Variants in CFTR observed in about 807,000 individuals in gnomAD.
CFTR encodes CF transmembrane conductance regulator, also known as cystic fibrosis transmembrane conductance regulator.
CFTR carries 181 observed loss-of-function variants against 171.6 expected under a neutral mutation model. That is an observed-to-expected ratio of 1.05 (90% CI 0.93 to 1.19). The LOEUF (loss-of-function observed/expected upper bound fraction) is 1.19, where lower values mean the gene tolerates loss of function less well. Ranked by LOEUF, CFTR falls within the 50% of genes most tolerant of loss-of-function variation. The pLI, the probability that CFTR is intolerant of heterozygous loss-of-function variation, is 0.00. For missense variants in CFTR, 1,968 were observed against 1,734.7 expected, an observed-to-expected ratio of 1.13 and a Z score of -2.39; for synonymous variants, 583 against 608.0, an observed-to-expected ratio of 0.96 and a Z score of 0.60.
chr7:117,554,164 G>T (rs998946540), intron 10 of CFTR, among the ~76,000 whole-genome samples: 1 of 152,168 alleles, frequency 6.6e-6, no homozygotes, highest in Non-Finnish European at 1.5e-5. Flanking sequence ...CTATTCTGTA[G>T]GGAGACAAGG....
intron 24 of CFTR, among the ~76,000 whole-genome samples, chr7:117,656,835 C>A (rs529514036): frequency 6.6e-6 from 1 of 152,174 alleles, no homozygotes; most frequent in South Asian, 2.1e-4. Flanking sequence ...TCTGTTTATC[C>A]CAAATGTTCT....
rs915291396 is a variant in CFTR, at chr7:117,599,043, T to C, written c.2620-3783T>C. On this transcript the variant is annotated intron_variant, in intron 15 of 26. Coordinates refer to ENST00000003084, the MANE Select transcript of CFTR (RefSeq NM_000492.4). The stretch of plus-strand genomic sequence containing the variant: ...TATAATGAAAATTTTAATAATTCCT[T>C]TTATACTTTAACAAAAATACGAGAT... 2.0e-5 allele frequency among the ~76,000 whole-genome samples: 3 copies of C among 152,180 alleles called. No homozygotes were observed. In the East Asian group the frequency reaches 5.8e-4, roughly 29 times the overall value.
At chr7:117,656,794 T>C (rs1793190054) in intron 24 of CFTR, among the ~76,000 whole-genome samples, 1 of 152,208 alleles carries the variant, frequency 6.6e-6, no homozygotes, top group South Asian at 2.1e-4. Flanking sequence ...TGTATTCCAC[T>C]ATTAGCGCTT....
intron 23 of CFTR, among the ~76,000 whole-genome samples, chr7:117,645,895 A>G (rs969336739): frequency 4.6e-5 from 7 of 152,098 alleles, no homozygotes; most frequent in Non-Finnish European, 1.0e-4. Context: ...CTAGATAAAG[A>G]ATGTAATAGA....
chr7:117,537,073 T>C (rs1798970656), intron 7 of CFTR, among the ~76,000 whole-genome samples: 1 of 152,200 alleles, frequency 6.6e-6, no homozygotes, highest in African/African-American at 2.4e-5. Flanking sequence ...AATTTATGTG[T>C]TATGGTATAT....
Position 117,501,591 on chromosome 7 carries a change from T to TA in CFTR, c.54-2655dup, listed in dbSNP as rs1274351510. On this transcript the variant is annotated intron_variant, in intron 1 of 26. Coordinates refer to ENST00000003084, the MANE Select transcript of CFTR (RefSeq NM_000492.4). ...AGAAACCCTGTCTCTACTAAAAATA[T>TA]AAAAAAATAGCCGGGCATGGTGGTG... 3.3e-5 allele frequency among the ~76,000 whole-genome samples: 5 copies of TA among 149,352 alleles called. No homozygotes were observed. The South Asian group carries it at 6.3e-4, about 19-fold the overall frequency.
chr7:117,639,362 G>T (rs943678872), intron 22 of CFTR, among the ~76,000 whole-genome samples: 2 of 152,000 alleles, frequency 1.3e-5, no homozygotes, highest in African/African-American at 4.8e-5. Flanking sequence ...TATCTAAATT[G>T]TAATAGCCAG....
At chr7:117,494,597 T>A (rs1007411011) in intron 1 of CFTR, among the ~76,000 whole-genome samples, 4 of 152,140 alleles carry the variant, frequency 2.6e-5, no homozygotes, top group Admixed American at 1.3e-4. Context: ...TATGGGTATT[T>A]CTGTCAAAGG....
intron 22 of CFTR, among the ~76,000 whole-genome samples, chr7:117,628,558 A>C (rs1241841290): frequency 6.6e-6 from 1 of 152,190 alleles, no homozygotes; most frequent in Non-Finnish European, 1.5e-5. Context: ...TTAAAACTTT[A>C]TCTCTCTGTG....
rs140232632 is a variant in CFTR, at chr7:117,491,462, T to C, written c.53+11315T>C. Among the ~76,000 whole-genome samples the C allele has an allele frequency of 1.3e-4, 20 of 152,178 alleles. No individual in the cohort carries two copies. The East Asian group carries it at 3.9e-3, about 29-fold the overall frequency. ...TGGCTTAAATAACAGGAATTTATTA[T>C]CTTATGGTTTTGAAGACTAGAAGTA... is the stretch of plus-strand genomic sequence containing the variant. On this transcript the variant is annotated intron_variant, in intron 1 of 26. Coordinates refer to ENST00000003084, the MANE Select transcript of CFTR (RefSeq NM_000492.4).
At position 117,580,478 on chromosome 7, in the gene CFTR, A is replaced by T. The variant is rs145601782; in HGVS notation, c.1585-7261A>T. Among the ~76,000 whole-genome samples the T allele has an allele frequency of 7.8e-3, 1,192 of 152,242 alleles. 4 individuals are homozygous for T. Among genetic ancestry groups the T allele is most frequent in the Non-Finnish European group, 0.012 (813 of 67,980 alleles). On this transcript the variant is annotated intron_variant, in intron 11 of 26. Transcript: ENST00000003084. ...GTAAAGGAACCTGACAATATCTTTTAAAAATAAAGAAAACGCATACTTTTG... is the reference window on the plus strand; with the variant it reads ...GTAAAGGAACCTGACAATATCTTTTTAAAATAAAGAAAACGCATACTTTTG...
chr7:117,524,951 T>C (rs1798751149), intron 3 of CFTR, among the ~76,000 whole-genome samples: 1 of 152,238 alleles, frequency 6.6e-6, no homozygotes, highest in Non-Finnish European at 1.5e-5. Flanking sequence ...CATTCTTCTT[T>C]GATATATATT....
intron 11 of CFTR, among the ~76,000 whole-genome samples, chr7:117,568,606 T>C (rs1443601979): frequency 1.3e-5 from 2 of 152,196 alleles, no homozygotes; most frequent in East Asian, 3.8e-4. Context: ...TTTTCAGCCT[T>C]ATTAAGGTAT....
chr7:117,559,609 A>G lies in CFTR; in HGVS notation c.1538A>G (p.Asp513Gly), dbSNP rs397508225. ...KENIIFGVSY[D>G]EYRYRSVIKA... ...AATATCATCTTTGGTGTTTCCTATG[A>G]TGAATATAGATACAGAAGCGTCATC... Residue 513 changes from aspartate to glycine, a missense_variant, in exon 11 of 27, where the codon GAT (aspartate) becomes GGT (glycine). By Grantham distance (94) the Asp-to-Gly change is moderately conservative. Coordinates refer to ENST00000003084, the MANE Select transcript of CFTR (RefSeq NM_000492.4). 8.1e-6 allele frequency: 13 copies of G among 1,613,384 alleles called. No individual in the cohort carries two copies. Among genetic ancestry groups the G allele is most frequent in the Non-Finnish European group, 1.1e-5 (13 of 1,179,558 alleles).
At position 117,663,392 on chromosome 7, in the gene CFTR, C is replaced by T. The variant is rs77818751; in HGVS notation, c.3964-1296C>T. On this transcript the variant is annotated intron_variant, in intron 24 of 26. Coordinates refer to ENST00000003084, the MANE Select transcript of CFTR (RefSeq NM_000492.4). ...TTCCTGCCATACCAGAAACCCTTCTCAAACTTTAATGAATTTCTACAAGGT... is the reference window on the plus strand; with the variant it reads ...TTCCTGCCATACCAGAAACCCTTCTTAAACTTTAATGAATTTCTACAAGGT... 1.9e-3 allele frequency among the ~76,000 whole-genome samples: 284 copies of T among 151,922 alleles called. 1 individual carries two copies. The highest frequency in any genetic ancestry group is 6.8e-3 in the African/African-American group (280 of 41,450).
intron 22 of CFTR, among the ~76,000 whole-genome samples, chr7:117,636,596 G>A (rs905196738): frequency 1.3e-4 from 19 of 148,200 alleles, no homozygotes; most frequent in East Asian, 4.0e-4. Flanking sequence ...TTTTTCCTTC[G>A]CATTTCAGTG....
intron 24 of CFTR, 142 bp from the exon 25 acceptor site, chr7:117,664,546 A>T (rs780682628): frequency 1.3e-6 from 1 of 757,248 alleles, no homozygotes; most frequent in East Asian, 2.6e-5. Flanking sequence ...TGCTCAATCA[A>T]TTCAAATGGT....
intron 14 of CFTR, among the ~76,000 whole-genome samples, chr7:117,593,771 T>A (rs1483945737): frequency 2.6e-5 from 4 of 152,114 alleles, no homozygotes; most frequent in Non-Finnish European, 5.9e-5. Flanking sequence ...AATTTTTGTA[T>A]TTTTAGTAGA....
At chr7:117,647,020 T>C (rs191771104) in intron 23 of CFTR, among the ~76,000 whole-genome samples, 28 of 152,312 alleles carry the variant, frequency 1.8e-4, no homozygotes, top group Admixed American at 1.6e-3. Flanking sequence ...ATGTAAATAT[T>C]ACAAAATTAT....
Sources: gnomAD v4.1 joint callset for allele counts (sites outside exome capture counted in the v4.1 genomes callset) on GRCh38, gnomAD v4.1.1 for gene constraint, MANE v1.5 for transcripts, NCBI Gene and HGNC (gene_info 2026-07-23, HGNC 2026-07-21) for gene names.